PTPRD: variants seen among roughly 807,000 people sequenced by gnomAD.
PTPRD encodes the protein receptor-type tyrosine-protein phosphatase delta.
In PTPRD, 34 loss-of-function variants were observed where a neutral mutation model predicts 214.5. The observed-to-expected ratio is 0.16, with a 90% confidence interval of 0.12 to 0.21. The LOEUF (loss-of-function observed/expected upper bound fraction) is 0.21, where lower values mean the gene tolerates loss of function less well. PTPRD is among the 10% of genes least tolerant of loss of function. The pLI, the probability that PTPRD is intolerant of heterozygous loss-of-function variation, is 1.00. For synonymous variants in PTPRD, 1,128 were observed against 845.7 expected (o/e 1.33, Z -5.79); for missense variants, 2,545 against 2,398.7 (o/e 1.06, Z -1.27).
At chr9:9,473,778 G>A (rs2094805258) in intron 8 of PTPRD, among the ~76,000 whole-genome samples, 1 of 147,678 alleles carries the variant, frequency 6.8e-6, no homozygotes, top group South Asian at 2.2e-4. Flanking sequence ...GGGTTTATTT[G>A]AAAAATGGAT....
chr9:9,772,070 G>A (rs968111390), intron 5 of PTPRD, among the ~76,000 whole-genome samples: 4 of 152,076 alleles, frequency 2.6e-5, no homozygotes, highest in South Asian at 4.1e-4. Flanking sequence ...CAGAGTATAA[G>A]TGTATTTAGA....
At chr9:9,761,456 G>C (rs1268651421) in intron 6 of PTPRD, among the ~76,000 whole-genome samples, 2 of 152,078 alleles carry the variant, frequency 1.3e-5, no homozygotes, top group African/African-American at 2.4e-5. Context: ...TCGTAGTGTT[G>C]GAACTATTCA....
rs1474547293 is a variant in PTPRD at position 10,313,736 on chromosome 9, A to C, written c.-545+27227T>G. On this transcript the variant is annotated intron_variant, in intron 3 of 45. Coordinates refer to ENST00000381196, the MANE Select transcript of PTPRD (RefSeq NM_002839.4). ...ATCTGCTTCCGATGTGTTTTTACTG[A>C]ATTTCACTGTGTGTTGAATTCAGTC... 3.9e-5 allele frequency among the ~76,000 whole-genome samples: 6 copies of C among 151,992 alleles called. No individual in the cohort carries two copies. In the South Asian group the frequency reaches 8.3e-4, roughly 21 times the overall value.
chr9:8,321,483 G>GTATATA (rs1283435570), intron 44 of PTPRD, among the ~76,000 whole-genome samples: 5 of 48,756 alleles, frequency 1.0e-4, no homozygotes, highest in South Asian at 7.2e-4. Context: ...GTGTGTGTGT[G>GTATATA]TGTGTATATA....
chr9:10,514,444 G>C (rs980734423), intron 2 of PTPRD, among the ~76,000 whole-genome samples: 1 of 151,014 alleles, frequency 6.6e-6, no homozygotes, highest in Non-Finnish European at 1.5e-5. Flanking sequence ...GTTTGTTATA[G>C]ACATATATAG....
At chr9:9,576,767 A>G (rs549827941) in intron 7 of PTPRD, among the ~76,000 whole-genome samples, 1 of 152,300 alleles carries the variant, frequency 6.6e-6, no homozygotes, top group African/African-American at 2.4e-5. Flanking sequence ...TTTAAAGTCA[A>G]GCTTTAAGGT....
At chr9:9,804,237 T>G in intron 5 of PTPRD, among the ~76,000 whole-genome samples, 1 of 152,114 alleles carries the variant, frequency 6.6e-6, no homozygotes, top group East Asian at 1.9e-4. Context: ...GATTCTGAAG[T>G]AAGACAAGAT....
intron 39 of PTPRD, among the ~76,000 whole-genome samples, chr9:8,347,091 GA>G (rs1564146267): frequency 7.8e-6 from 1 of 128,046 alleles, no homozygotes; most frequent in Non-Finnish European, 1.8e-5. Flanking sequence ...CCTGCGGATA[GA>G]GGGGGACTAC....
intron 35 of PTPRD, among the ~76,000 whole-genome samples, chr9:8,422,456 C>T (rs1379839066): frequency 6.6e-6 from 1 of 152,116 alleles, no homozygotes; most frequent in African/African-American, 2.4e-5. Flanking sequence ...AGGGAGTCTA[C>T]TTAGAAAATG....
intron 39 of PTPRD, among the ~76,000 whole-genome samples, chr9:8,368,961 T>C (rs1421230825): frequency 1.3e-5 from 2 of 152,116 alleles, no homozygotes; most frequent in African/African-American, 4.8e-5. Flanking sequence ...CTTATCGAGA[T>C]GTTGGCATTT....
At chr9:10,191,351 A>G (rs2099362816) in intron 3 of PTPRD, among the ~76,000 whole-genome samples, 1 of 152,116 alleles carries the variant, frequency 6.6e-6, no homozygotes, top group African/African-American at 2.4e-5. Context: ...AATACAAATG[A>G]CAGACATTGC....
intron 39 of PTPRD, among the ~76,000 whole-genome samples, chr9:8,351,742 TAAAAAAAAAAAAAAA>T (rs71317359): frequency 1.2e-4 from 8 of 68,522 alleles, no homozygotes; most frequent in Non-Finnish European, 1.3e-4. Context: ...TGGCAAAGAG[TAAAAAAAAAAAAAAA>T]AAAAAAAAAA....
chr9:8,806,730 T>A (rs1382341796), intron 11 of PTPRD, among the ~76,000 whole-genome samples: 2 of 152,200 alleles, frequency 1.3e-5, no homozygotes, highest in Admixed American at 1.3e-4. Flanking sequence ...TTTTAATGTG[T>A]TCCATCTGAT....
At chr9:8,523,784 G>C (rs1290992520) in intron 18 of PTPRD, among the ~76,000 whole-genome samples, 1 of 152,156 alleles carries the variant, frequency 6.6e-6, no homozygotes, top group African/African-American at 2.4e-5. Context: ...TGCAGCAAGG[G>C]AGGTCACTAT....
chr9:9,752,570 A>G (rs2098531205), intron 6 of PTPRD, among the ~76,000 whole-genome samples: 1 of 151,956 alleles, frequency 6.6e-6, no homozygotes, highest in South Asian at 2.1e-4. Flanking sequence ...AATTATCAGA[A>G]CTCCAAATTC....
At chr9:9,046,763 G>A (rs1050571794) in intron 10 of PTPRD, among the ~76,000 whole-genome samples, 9 of 152,118 alleles carry the variant, frequency 5.9e-5, no homozygotes, top group African/African-American at 1.2e-4. Flanking sequence ...AAGCATGAGC[G>A]TTGATATGTA....
chr9:9,849,916 C>T (rs375135023), intron 5 of PTPRD, among the ~76,000 whole-genome samples: 20 of 152,118 alleles, frequency 1.3e-4, no homozygotes, highest in East Asian at 9.7e-4. Context: ...GGTCCTACAG[C>T]GGAATAAGAT....
intron 3 of PTPRD, among the ~76,000 whole-genome samples, chr9:10,231,989 A>AGAGAGAGAGTGTGTGTGTGT (rs1245284728): frequency 3.8e-4 from 35 of 92,490 alleles, no homozygotes; most frequent in African/African-American, 1.6e-3. Context: ...AGAGAGAGAG[A>AGAGAGAGAGTGTGTGTGTGT]GTGTGTGTGT....
At chr9:9,629,571 G>A (rs1275503437) in intron 7 of PTPRD, among the ~76,000 whole-genome samples, 2 of 152,114 alleles carry the variant, frequency 1.3e-5, no homozygotes, top group African/African-American at 4.8e-5. Flanking sequence ...AAAATTCCAA[G>A]ACCCACCAGC....
Sources: allele counts gnomAD v4.1 joint callset (sites outside exome capture counted in the v4.1 genomes callset), GRCh38; gene constraint gnomAD v4.1.1; transcripts MANE v1.5; gene names NCBI Gene and HGNC (gene_info 2026-07-23, HGNC 2026-07-21).